Variants in ACSL3 observed in about 807,000 individuals in gnomAD.
ACSL3 encodes the protein fatty acid CoA ligase Acsl3.
Under a neutral mutation model 84.7 loss-of-function variants are expected in ACSL3, and 34 were observed. The observed-to-expected ratio is 0.40, with a 90% confidence interval of 0.31 to 0.53. The LOEUF (loss-of-function observed/expected upper bound fraction) is 0.53, where lower values mean the gene tolerates loss of function less well. Among genes scored for constraint, ACSL3 ranks in the 20% least tolerant of loss-of-function variants. The probability of loss-of-function intolerance (pLI) is 0.48; values close to 1 mark genes in which losing one functional copy is unlikely to be tolerated. For synonymous variants in ACSL3, 315 were observed against 299.4 expected, an observed-to-expected ratio of 1.05 and a Z score of -0.54; for missense variants, 680 against 873.1, an observed-to-expected ratio of 0.78 and a Z score of 2.79.
intron 4 of ACSL3, among the ~76,000 whole-genome samples, chr2:222,912,165 C>T (rs1044534305): frequency 4.6e-5 from 7 of 152,328 alleles, no homozygotes; most frequent in East Asian, 1.9e-4. Flanking sequence ...CAAGTAGTTT[C>T]TCTTGGCCAT....
rs1697358341 is a variant in ACSL3, at chr2:222,942,959, CA to C, written c.*1309del. 4.5e-6 allele frequency: 1 copy of C among 223,818 alleles called. No individual in the cohort carries two copies. Among genetic ancestry groups the C allele is most frequent in the Non-Finnish European group, 8.9e-6 (1 of 112,436 alleles). 13.9% of individuals were successfully genotyped at this position (223,818 alleles called of 1,614,324 possible). On this transcript the variant is annotated 3_prime_UTR_variant, in exon 17 of 17. Transcript: ENST00000357430. ...TTGTCTGTTGTTATATCTGGATTAT[CA>C]AAAGCAATAGTGCACCAATTAAGAT...
At chr2:222,941,230 C>G (rs547135298) in intron 16 of ACSL3, among the ~76,000 whole-genome samples, 5 of 152,270 alleles carry the variant, frequency 3.3e-5, no homozygotes, top group South Asian at 2.1e-4. Context: ...ATGCCTGGCT[C>G]TAACTCGTTT....
chr2:222,934,207 T>C (rs1697111453), intron 15 of ACSL3, among the ~76,000 whole-genome samples: 1 of 151,228 alleles, frequency 6.6e-6, no homozygotes, highest in Admixed American at 6.6e-5. Context: ...ACTGATAGGG[T>C]TTAAAGGTGA....
At chr2:222,882,306 C>T (rs1455272647) in intron 1 of ACSL3, among the ~76,000 whole-genome samples, 3 of 152,068 alleles carry the variant, frequency 2.0e-5, no homozygotes, top group Non-Finnish European at 4.4e-5. Context: ...TAAAACTTTC[C>T]CTTAAAACTT....
chr2:222,932,936 T>G (rs1697068652), intron 14 of ACSL3: 1 of 5,204 alleles, frequency 1.9e-4, no homozygotes. Flanking sequence ...AGACTCCGTC[T>G]CAAAAAAAAA....
chr2:222,880,173 A>G (rs574149066), intron 1 of ACSL3, among the ~76,000 whole-genome samples: 3 of 152,250 alleles, frequency 2.0e-5, no homozygotes, highest in Non-Finnish European at 4.4e-5. Context: ...TAGGGCAAAT[A>G]TGCATTAAAT....
intron 16 of ACSL3, among the ~76,000 whole-genome samples, chr2:222,940,393 G>T (rs1161224344): frequency 5.9e-5 from 9 of 152,086 alleles, no homozygotes; most frequent in Admixed American, 5.9e-4. Flanking sequence ...GGCTCTAGAG[G>T]TGTGGAGTTT....
intron 4 of ACSL3, among the ~76,000 whole-genome samples, chr2:222,915,498 ATATT>A (rs1477364019): frequency 6.6e-6 from 1 of 152,226 alleles, no homozygotes; most frequent in Non-Finnish European, 1.5e-5. Flanking sequence ...AATTACCTAT[ATATT>A]TTTGCAGAGA....
At chr2:222,870,988 GGA>G (rs1695286210) in intron 1 of ACSL3, among the ~76,000 whole-genome samples, 1 of 152,144 alleles carries the variant, frequency 6.6e-6, no homozygotes, top group Non-Finnish European at 1.5e-5. Flanking sequence ...TGGAGGAGGG[GGA>G]GAGGGGACTA....
intron 10 of ACSL3, among the ~76,000 whole-genome samples, chr2:222,923,676 T>C (rs1204320403): frequency 7.2e-5 from 11 of 152,186 alleles, no homozygotes; most frequent in Admixed American, 7.2e-4. Flanking sequence ...ATTTTCTGGC[T>C]CCTTATAACA....
chr2:222,920,014 C>G (rs1358096601), intron 7 of ACSL3, among the ~76,000 whole-genome samples: 1 of 151,886 alleles, frequency 6.6e-6, no homozygotes, highest in Non-Finnish European at 1.5e-5. Context: ...AAGGACTAGT[C>G]AGAGAGGAAA....
intron 4 of ACSL3, among the ~76,000 whole-genome samples, chr2:222,914,184 A>C (rs1574550120): frequency 1.3e-5 from 2 of 152,046 alleles, no homozygotes; most frequent in South Asian, 4.1e-4. Context: ...GTAGGAGACA[A>C]GATTACCACC....
chr2:222,929,515 C>T (rs919760936), intron 13 of ACSL3, among the ~76,000 whole-genome samples: 1 of 152,170 alleles, frequency 6.6e-6, no homozygotes, highest in Admixed American at 6.5e-5. Flanking sequence ...GGCGCAGTGG[C>T]TCACTCCTGT....
intron 1 of ACSL3, 140 bp downstream of exon 1, chr2:222,861,398 T>C (rs1695002307): frequency 1.3e-5 from 2 of 151,440 alleles, no homozygotes; most frequent in South Asian, 2.1e-4. Flanking sequence ...CCGCTGGGTG[T>C]GCGCGCGGGC....
At chr2:222,936,924 C>G (rs762614858) in intron 16 of ACSL3, among the ~76,000 whole-genome samples, 1 of 152,096 alleles carries the variant, frequency 6.6e-6, no homozygotes, top group African/African-American at 2.4e-5. Flanking sequence ...TGAGGTCTCA[C>G]TCACCATCAC....
intron 8 of ACSL3, among the ~76,000 whole-genome samples, chr2:222,921,813 A>T (rs1324536058): frequency 6.6e-6 from 1 of 152,116 alleles, no homozygotes; most frequent in Non-Finnish European, 1.5e-5. Flanking sequence ...TCTTGTTAAT[A>T]CAAACTCCAG....
chr2:222,916,235 A>G (rs1158563970), intron 4 of ACSL3, 84 bp from the exon 5 acceptor site: 20 of 897,156 alleles, frequency 2.2e-5, no homozygotes, highest in Non-Finnish European at 3.1e-5. Context: ...TTTCTGGTTC[A>G]TCATAACATT....
chr2:222,922,045 T>G (rs1310813357), intron 8 of ACSL3, among the ~76,000 whole-genome samples: 1 of 152,192 alleles, frequency 6.6e-6, no homozygotes, highest in Non-Finnish European at 1.5e-5. Context: ...AACTTGGGGA[T>G]GGAGGAATGT....
intron 13 of ACSL3, among the ~76,000 whole-genome samples, chr2:222,929,318 G>C (rs1696962697): frequency 2.6e-5 from 4 of 151,500 alleles, no homozygotes; most frequent in Admixed American, 6.6e-5. Context: ...TTTTTTCTGA[G>C]GGCTTCAACC....
Sources: gnomAD v4.1 joint callset for allele counts (sites outside exome capture counted in the v4.1 genomes callset) on GRCh38, gnomAD v4.1.1 for gene constraint, MANE v1.5 for transcripts, NCBI Gene and HGNC (gene_info 2026-07-23, HGNC 2026-07-21) for gene names.